Variants in TNN observed in about 807,000 individuals in gnomAD.
The protein encoded by TNN is tenascin-N.
Under a neutral mutation model 134.4 loss-of-function variants are expected in TNN, and 122 were observed. The observed-to-expected ratio is 0.91, with a 90% CI of 0.78 to 1.06. The LOEUF (loss-of-function observed/expected upper bound fraction) is 1.06, where lower values mean the gene tolerates loss of function less well. TNN is among the 50% of genes least tolerant of loss of function. The probability of loss-of-function intolerance (pLI) is 0.00; values close to 1 mark genes in which losing one functional copy is unlikely to be tolerated. For synonymous variants in TNN, 710 were observed against 670.3 expected, an observed-to-expected ratio of 1.06 and a Z score of -0.91; for missense variants, 1,739 against 1,699.4, an observed-to-expected ratio of 1.02 and a Z score of -0.41.
Position 175,123,349 on chromosome 1 carries a change from G to A in TNN, c.2651-51G>A, listed in dbSNP as rs757511893. 6.3e-6 allele frequency: 10 copies of A among 1,592,012 alleles called. No homozygotes were observed. The African/African-American group carries it at 6.8e-5, about 11-fold the overall frequency. The stretch of plus-strand genomic sequence containing the variant: ...TCCTGGTGATGAGGTGGTAAGATGC[G>A]ATGTCTTCCTTTGTTCTAAAGTTCA... On this transcript the variant is annotated intron_variant, in intron 11 of 18. Coordinates refer to ENST00000239462, the MANE Select transcript of TNN (RefSeq NM_022093.2).
At position 175,094,163 on chromosome 1, in the gene TNN, G is replaced by A. The variant is rs939523142; in HGVS notation, c.1498G>A (p.Gly500Ser). 4 of 1,613,980 alleles carry A rather than the reference G, an allele frequency of 2.5e-6. No individual in the cohort carries two copies. In the African/African-American group the frequency reaches 5.3e-5, roughly 22 times the overall value. The change falls in exon 7 of 19, where the codon GGC (glycine) becomes AGC (serine). Residue 500 changes from glycine to serine, a missense_variant. Coordinates refer to ENST00000239462, the MANE Select transcript of TNN (RefSeq NM_022093.2). Reference protein sequence around the residue: ...HKDESSTVLTGLKPGEAYKVY... With the variant: ...HKDESSTVLTSLKPGEAYKVY... The stretch of plus-strand genomic sequence containing the variant: ...GGATGAGAGCAGCACTGTCCTGACG[G>A]GCCTGAAGCCAGGAGAGGCATACAA...
chr1:175,068,776 C>T (rs1013592536), intron 1 of TNN, among the ~76,000 whole-genome samples: 31 of 152,068 alleles, frequency 2.0e-4, no homozygotes, highest in African/African-American at 5.3e-4. Flanking sequence ...GGCGTGGTGG[C>T]GCATGCCTAT....
intron 9 of TNN, among the ~76,000 whole-genome samples, chr1:175,115,969 A>G (rs919948188): frequency 2.0e-5 from 3 of 151,744 alleles, no homozygotes. Context: ...TCTGTTCTCT[A>G]TGTGGCCATC....
intron 15 of TNN, among the ~76,000 whole-genome samples, chr1:175,134,086 C>T (rs1374295000): frequency 6.6e-6 from 1 of 152,190 alleles, no homozygotes; most frequent in Non-Finnish European, 1.5e-5. Context: ...AACTGAGACT[C>T]AGTGAACTCC....
At chr1:175,112,531 G>A (rs60505589) in intron 9 of TNN, among the ~76,000 whole-genome samples, 3,806 of 142,470 alleles carry the variant, frequency 0.027, 152 homozygotes, top group African/African-American at 0.092. Flanking sequence ...TTCCACAGGT[G>A]AAGGAAGATT....
rs879143097 is a variant in TNN, at chr1:175,123,672, A to T, written c.2914+9A>T. On this transcript the variant is annotated intron_variant, in intron 12 of 18. Transcript: ENST00000239462. ...CACCAAGGCCCAGACAGGTACTGAGAGGGACCAGGCCAGGGGAACACCTCA... is the reference window on the plus strand; with the variant it reads ...CACCAAGGCCCAGACAGGTACTGAGTGGGACCAGGCCAGGGGAACACCTCA... 1.2e-5 allele frequency: 19 copies of T among 1,613,856 alleles called. No homozygotes were observed. In the South Asian group the frequency reaches 2.1e-4, roughly 18 times the overall value.
rs1455364775 is a variant in TNN, at chr1:175,079,587, G to A, written c.664G>A (p.Asp222Asn). Residue 222 changes from aspartate (D) to asparagine (N), a missense_variant, in exon 3 of 19, where the codon GAC becomes AAC. By Grantham distance (23) the Asp-to-Asn change is conservative. Transcript: ENST00000239462. ...GCGCGGCGTGTGCCAGTGCCACGAAGACTTCATGTCGGAGGACTGCAGCGA... is the reference window on the plus strand; with the variant it reads ...GCGCGGCGTGTGCCAGTGCCACGAAAACTTCATGTCGGAGGACTGCAGCGA... ...CVRGVCQCHE[D>N]FMSEDCSEKR... 1 of 1,592,506 alleles carries A rather than the reference G, an allele frequency of 6.3e-7. No individual in the cohort carries two copies. The highest frequency in any genetic ancestry group is 1.7e-5 in the Admixed American group (1 of 57,240).
intron 4 of TNN, among the ~76,000 whole-genome samples, chr1:175,082,765 A>T (rs1285419616): frequency 2.0e-5 from 3 of 152,052 alleles, no homozygotes; most frequent in African/African-American, 7.2e-5. Flanking sequence ...CAGGGAGGTG[A>T]AGGTGGGGGC....
At chr1:175,098,916 G>C (rs892355812) in intron 9 of TNN, among the ~76,000 whole-genome samples, 1 of 152,140 alleles carries the variant, frequency 6.6e-6, no homozygotes, top group Non-Finnish European at 1.5e-5. Context: ...CTATCATGCT[G>C]AGGGAGCCAG....
chr1:175,126,010 CT>C (rs758969847), intron 12 of TNN, among the ~76,000 whole-genome samples: 1 of 146,460 alleles, frequency 6.8e-6, no homozygotes, highest in African/African-American at 2.5e-5. Context: ...GTTCCCTTGC[CT>C]TCTCCTTCTC....
intron 9 of TNN, among the ~76,000 whole-genome samples, chr1:175,115,833 G>A (rs759605280): frequency 1.3e-5 from 2 of 152,134 alleles, no homozygotes; most frequent in African/African-American, 2.4e-5. Flanking sequence ...GAGGACTGTA[G>A]GTGTACAAGG....
In TNN at chr1:175,077,317, G is replaced by GCA. The variant is rs1674062556; in HGVS notation, c.-35-67_-35-66insCA. 3.2e-6 allele frequency: 4 copies of GCA among 1,244,248 alleles called. No homozygotes were observed. The African/African-American group carries it at 4.8e-5, about 15-fold the overall frequency. 77.1% of individuals were successfully genotyped at this position (1,244,248 alleles called of 1,614,324 possible). A position where few individuals can be genotyped will look rare whatever the true frequency, so the allele number is the denominator to read the frequency against. ...AGCTTCCTTGGGCTCTTAGAATCTG[G>GCA]TAAAAAAAAAGCCAGCTTCCCTCAG... On this transcript the variant is annotated intron_variant, in intron 1 of 18. Coordinates refer to ENST00000239462, the MANE Select transcript of TNN (RefSeq NM_022093.2).
At chr1:175,141,716 G>T (rs773748277) in intron 17 of TNN, among the ~76,000 whole-genome samples, 1 of 152,162 alleles carries the variant, frequency 6.6e-6, no homozygotes, top group African/African-American at 2.4e-5. Context: ...CCTAGAGGGG[G>T]AGAGTGGGCC....
chr1:175,104,526 A>C (rs2149435096), intron 9 of TNN, among the ~76,000 whole-genome samples: 2 of 145,894 alleles, frequency 1.4e-5, no homozygotes, highest in East Asian at 4.6e-4. Context: ...GTACCAGGTG[A>C]TTGGCCTGCT....
chr1:175,128,181 T>G lies in TNN; in HGVS notation c.3178+17T>G, dbSNP rs370643740. 71 of 1,576,746 alleles carry G rather than the reference T, an allele frequency of 4.5e-5. No homozygotes were observed. The highest frequency in any genetic ancestry group is 2.2e-4 in the Admixed American group (12 of 54,408). The stretch of plus-strand genomic sequence containing the variant: ...TCTCCACAGGTAATATGGAATCCTG[T>G]ACTCTGAACGACCGTGCAATGAGAA... On this transcript the variant is annotated intron_variant, in intron 14 of 18. Coordinates refer to ENST00000239462, the MANE Select transcript of TNN (RefSeq NM_022093.2).
In TNN at chr1:175,145,062, A is replaced by T. The variant is rs76963831; in HGVS notation, c.3759+512A>T. 4.0e-3 allele frequency among the ~76,000 whole-genome samples: 607 copies of T among 152,110 alleles called. 5 individuals are homozygous for T. Among genetic ancestry groups the T allele is most frequent in the African/African-American group, 0.014 (568 of 41,480 alleles). ...AGGAGCTCTGATCTCTTCTTCATAT[A>T]GGGGCATATGTCCCATCATGAGGGC... On this transcript the variant is annotated intron_variant, in intron 18 of 18. Coordinates refer to ENST00000239462, the MANE Select transcript of TNN (RefSeq NM_022093.2).
intron 9 of TNN, 136 bp from the exon 10 acceptor site, chr1:175,116,803 T>C: frequency 8.1e-7 from 1 of 1,241,158 alleles, no homozygotes; most frequent in South Asian, 1.3e-5. Context: ...TCTATATCCA[T>C]GAAACAACTG....
intron 9 of TNN, among the ~76,000 whole-genome samples, chr1:175,112,596 ATCTTTTTTTTTTTT>A (rs1675058471): frequency 1.2e-4 from 1 of 8,066 alleles, no homozygotes; most frequent in Non-Finnish European, 3.5e-4. Context: ...CAGCCGGCCG[ATCTTTTTTTTTTTT>A]TTTTTTTTTT....
chr1:175,069,897 T>C (rs1472590083), intron 1 of TNN, among the ~76,000 whole-genome samples: 1 of 152,248 alleles, frequency 6.6e-6, no homozygotes, highest in Non-Finnish European at 1.5e-5. Context: ...TACTTCAATA[T>C]GTGGAAAACA....
Sources: gnomAD v4.1 joint callset for allele counts (sites outside exome capture counted in the v4.1 genomes callset) on GRCh38, gnomAD v4.1.1 for gene constraint, MANE v1.5 for transcripts, NCBI Gene and HGNC (gene_info 2026-07-23, HGNC 2026-07-21) for gene names.